ANO1: variants seen among roughly 807,000 people sequenced by gnomAD.
The protein encoded by ANO1 is anoctamin 1, also known as anoctamin-1.
Under a neutral mutation model 124.0 loss-of-function variants are expected in ANO1, and 59 were observed. The observed-to-expected ratio is 0.48, with a 90% CI of 0.39 to 0.59. The LOEUF (loss-of-function observed/expected upper bound fraction) is 0.59. Among genes scored for constraint, ANO1 ranks in the 20% least tolerant of loss-of-function variants. The probability of loss-of-function intolerance (pLI) is 0.00; values close to 1 mark genes in which losing one functional copy is unlikely to be tolerated. For synonymous variants in ANO1, 529 were observed against 532.0 expected, an observed-to-expected ratio of 0.99 and a Z score of 0.08; for missense variants, 1,059 against 1,328.0, an observed-to-expected ratio of 0.80 and a Z score of 3.15.
At chr11:70,069,291 G>C (rs1459029413) in intron 1 of ANO1, among the ~76,000 whole-genome samples, 1 of 152,230 alleles carries the variant, frequency 6.6e-6, no homozygotes, top group Non-Finnish European at 1.5e-5. Flanking sequence ...GGCTTTGAAA[G>C]AGTCCCTCTA....
Position 70,173,880 on chromosome 11 carries a change from G to A in ANO1, c.2350+2841G>A, listed in dbSNP as rs551723882. Among the ~76,000 whole-genome samples the A allele has an allele frequency of 1.2e-4, 18 of 152,046 alleles. No homozygotes were observed. In the South Asian group the frequency reaches 2.3e-3, roughly 19 times the overall value. On this transcript the variant is annotated intron_variant, in intron 22 of 25. Transcript: ENST00000355303. ...AGCCTGGCCAATATGGTGAAACTGCGTCTCTACTAAAAATACAAAAATTAG... is the reference window on the plus strand; with the variant it reads ...AGCCTGGCCAATATGGTGAAACTGCATCTCTACTAAAAATACAAAAATTAG...
At chr11:70,026,226 CAG>C (rs1856904627) in intron 1 of ANO1, among the ~76,000 whole-genome samples, 1 of 123,908 alleles carries the variant, frequency 8.1e-6, no homozygotes, top group South Asian at 2.8e-4. Flanking sequence ...GTGATGATGA[CAG>C]TAATGATGGT....
chr11:70,067,617 C>T (rs1259828798), intron 1 of ANO1, among the ~76,000 whole-genome samples: 1 of 152,198 alleles, frequency 6.6e-6, no homozygotes, highest in Non-Finnish European at 1.5e-5. Context: ...CATGAGCCGC[C>T]GCACCCGGCC....
chr11:70,036,854 G>C (rs374731468), intron 1 of ANO1, among the ~76,000 whole-genome samples: 18 of 152,226 alleles, frequency 1.2e-4, no homozygotes, highest in African/African-American at 4.3e-4. Context: ...TGATCTGCCC[G>C]CCTCAGCCTC....
At position 70,152,391 on chromosome 11, in the gene ANO1, T is replaced by G. The variant is rs891470397; in HGVS notation, c.1342-59T>G. Reference sequence around the variant, plus strand: ...TAGTGGACAGGTCCTATTTCTAAAATAACAACCTAAGTAATGACATCTTTG... The same window carrying G: ...TAGTGGACAGGTCCTATTTCTAAAAGAACAACCTAAGTAATGACATCTTTG... On this transcript the variant is annotated intron_variant, in intron 12 of 25. Coordinates refer to ENST00000355303, the MANE Select transcript of ANO1 (RefSeq NM_018043.7). The G allele has an allele frequency of 2.9e-6, 4 of 1,395,808 alleles. No individual in the cohort carries two copies. In the African/African-American group the frequency reaches 5.8e-5, roughly 20 times the overall value. 86.5% of individuals were successfully genotyped at this position (1,395,808 alleles called of 1,614,324 possible).
intron 10 of ANO1, 67 bp downstream of exon 10, chr11:70,126,262 C>T (rs1474090002): frequency 1.9e-6 from 3 of 1,542,620 alleles, no homozygotes; most frequent in Non-Finnish European, 2.6e-6. Context: ...ATCCCAGCTG[C>T]ACAATTCATT....
chr11:70,096,040 G>A (rs55859245), intron 2 of ANO1, among the ~76,000 whole-genome samples: 25 of 152,214 alleles, frequency 1.6e-4, no homozygotes, highest in South Asian at 4.1e-4. Flanking sequence ...CCCAAGCTGA[G>A]TGGGCCGATT....
intron 1 of ANO1, among the ~76,000 whole-genome samples, chr11:70,007,046 G>T (rs1189324394): frequency 6.6e-6 from 1 of 152,114 alleles, no homozygotes; most frequent in Non-Finnish European, 1.5e-5. Flanking sequence ...GTATGCACAT[G>T]ATGCTGTGCA....
chr11:70,129,434 C>A (rs962569155), intron 10 of ANO1: 3 of 152,216 alleles, frequency 2.0e-5, no homozygotes, highest in Non-Finnish European at 4.4e-5. Flanking sequence ...AGCTGAGATA[C>A]AAACCCAGAG....
intron 11 of ANO1, among the ~76,000 whole-genome samples, chr11:70,142,721 T>C (rs938879921): frequency 6.6e-6 from 1 of 152,184 alleles, no homozygotes; most frequent in Non-Finnish European, 1.5e-5. Context: ...ACAACAGGCA[T>C]GCATTTCCCA....
chr11:70,156,937 T>C lies in ANO1; in HGVS notation c.1504-10T>C, dbSNP rs534637227. The C allele has an allele frequency of 1.2e-6, 2 of 1,613,118 alleles. No homozygotes were observed. Among genetic ancestry groups the C allele is most frequent in the South Asian group, 2.2e-5 (2 of 90,840 alleles). On this transcript the variant is annotated splice_polypyrimidine_tract_variant and intron_variant, in intron 15 of 25. Coordinates refer to ENST00000355303, the MANE Select transcript of ANO1 (RefSeq NM_018043.7). Reference sequence around the variant, plus strand: ...TTCCAGACAGTGACCGGCATTGTTTTGTGTTGTAGACTGACAAAGTGAAGC... The same window carrying C: ...TTCCAGACAGTGACCGGCATTGTTTCGTGTTGTAGACTGACAAAGTGAAGC...
rs1453054894 is a variant in ANO1 at position 70,132,599 on chromosome 11, C to A, written c.1258+520C>A. Among the ~76,000 whole-genome samples the A allele has an allele frequency of 3.3e-5, 5 of 152,360 alleles. No individual in the cohort carries two copies. In the East Asian group the frequency reaches 9.6e-4, roughly 29 times the overall value. On this transcript the variant is annotated intron_variant, in intron 11 of 25. Transcript: ENST00000355303. ...GGGGTCACTCAGCTCCTGATTGCCA[C>A]TGGGCTCCACTGCCATGCAAACCTA...
chr11:70,012,611 C>T (rs782631352), intron 1 of ANO1, among the ~76,000 whole-genome samples: 2 of 151,076 alleles, frequency 1.3e-5, no homozygotes, highest in African/African-American at 2.4e-5. Flanking sequence ...CACATTCATC[C>T]ATCCCCTTTG....
chr11:69,976,569 G>A, the ANO1 span, among the ~76,000 whole-genome samples: 4 of 128,700 alleles, frequency 3.1e-5, no homozygotes, highest in African/African-American at 6.1e-5. Context: ...GAGAGAGAGA[G>A]ATTAGGACAC....
chr11:70,124,970 C>T (rs1455729860), intron 9 of ANO1, among the ~76,000 whole-genome samples: 2 of 152,244 alleles, frequency 1.3e-5, no homozygotes, highest in Non-Finnish European at 2.9e-5. Flanking sequence ...ATGGAGCCCA[C>T]AGCCTCAGGG....
At chr11:70,101,345 C>T (rs760537647) in intron 2 of ANO1, among the ~76,000 whole-genome samples, 1 of 151,784 alleles carries the variant, frequency 6.6e-6, no homozygotes, top group Non-Finnish European at 1.5e-5. Context: ...CGCCTGAGGT[C>T]AGGAGTTCCA....
At chr11:70,001,505 C>A (rs986797628) in intron 1 of ANO1, among the ~76,000 whole-genome samples, 1 of 152,110 alleles carries the variant, frequency 6.6e-6, no homozygotes. Flanking sequence ...ACAGAAGGAA[C>A]CACCTGCAAC....
At chr11:70,122,392 C>G (rs1414939533) in intron 8 of ANO1, among the ~76,000 whole-genome samples, 11 of 136,030 alleles carry the variant, frequency 8.1e-5, no homozygotes, top group African/African-American at 3.1e-4. Flanking sequence ...CTGTCTGTCT[C>G]TCTATCTCTG....
At position 70,037,525 on chromosome 11, in the gene ANO1, G is replaced by A. The variant is rs918183313; in HGVS notation, c.59-41017G>A. On this transcript the variant is annotated intron_variant, in intron 1 of 27. Transcript: ENST00000531349. ...CCAAGCATGAAGGTGGGTCACAGAC[G>A]CCAAGGAAGGACCCAGGTGGCCTAG... Among the ~76,000 whole-genome samples the A allele has an allele frequency of 8.6e-5, 13 of 152,042 alleles. No individual in the cohort carries two copies. In the East Asian group the frequency reaches 2.1e-3, roughly 25 times the overall value.
Sources: gnomAD v4.1 joint callset for allele counts (sites outside exome capture counted in the v4.1 genomes callset) on GRCh38, gnomAD v4.1.1 for gene constraint, MANE v1.5 for transcripts, NCBI Gene and HGNC (gene_info 2026-07-23, HGNC 2026-07-21) for gene names.